MBD2: variants seen among roughly 807,000 people sequenced by gnomAD.
The protein encoded by MBD2 is methyl-CpG binding domain protein 2.
In MBD2, 9 loss-of-function variants were observed where a neutral mutation model predicts 39.3. That is an observed-to-expected ratio of 0.23 (90% CI 0.14 to 0.40). The LOEUF is 0.40. Ranked by LOEUF, MBD2 falls within the 10% of genes least tolerant of loss-of-function variation. MBD2 has a pLI of 1.00. For synonymous variants in MBD2, 233 were observed against 211.1 expected (o/e 1.10, Z -0.90); for missense variants, 458 against 532.6 (o/e 0.86, Z 1.38).
chr18:54,189,825 T>A (rs542531378), intron 2 of MBD2, among the ~76,000 whole-genome samples: 4 of 151,964 alleles, frequency 2.6e-5, no homozygotes, highest in Non-Finnish European at 5.9e-5. Flanking sequence ...TTTTTGTATT[T>A]TTTTTGTAGA....
intron 3 of MBD2, among the ~76,000 whole-genome samples, chr18:54,167,088 G>T (rs1005942887): frequency 9.3e-5 from 6 of 64,580 alleles, no homozygotes; most frequent in African/African-American, 3.6e-4. Context: ...CACATTTACT[G>T]CAGCCAAAAA....
chr18:54,159,776 C>G lies in MBD2; in HGVS notation c.*1G>C, dbSNP rs545557750. The G allele has an allele frequency of 6.2e-4, 991 of 1,609,262 alleles. 16 individuals are homozygous for G. In the South Asian group the frequency reaches 0.01, roughly 17 times the overall value. On this transcript the variant is annotated 3_prime_UTR_variant, in exon 6 of 7. Coordinates refer to ENST00000256429, the MANE Select transcript of MBD2 (RefSeq NM_003927.5). Reference sequence around the variant, plus strand: ...TGGTGTCAGTTTACCTGATCATATTCTTAGGCTTCATCTCCACTGTCCATT... The same window carrying G: ...TGGTGTCAGTTTACCTGATCATATTGTTAGGCTTCATCTCCACTGTCCATT...
chr18:54,201,741 T>C (rs1319760606), intron 2 of MBD2, among the ~76,000 whole-genome samples: 1 of 151,736 alleles, frequency 6.6e-6, no homozygotes, highest in African/African-American at 2.4e-5. Context: ...CGGGTGCCTG[T>C]AGTCCCAGCT....
chr18:54,192,749 T>C (rs1402831386), intron 2 of MBD2, among the ~76,000 whole-genome samples: 1 of 152,172 alleles, frequency 6.6e-6, no homozygotes, highest in East Asian at 1.9e-4. Context: ...GAAGGAAGCA[T>C]GGAACAGGTC....
At chr18:54,164,807 T>C (rs937920741) in intron 4 of MBD2, 107 bp from the exon 5 acceptor site, 7 of 840,258 alleles carry the variant, frequency 8.3e-6, no homozygotes, top group South Asian at 4.1e-5. Context: ...GGATCATATA[T>C]GTAAAACTGA....
chr18:54,204,789 T>C (rs2086436509), intron 2 of MBD2, among the ~76,000 whole-genome samples: 1 of 152,200 alleles, frequency 6.6e-6, no homozygotes, highest in African/African-American at 2.4e-5. Context: ...GAAAGTATGA[T>C]GTTCACTGAC....
intron 2 of MBD2, among the ~76,000 whole-genome samples, chr18:54,193,948 A>C (rs1294166363): frequency 6.6e-6 from 1 of 152,150 alleles, no homozygotes; most frequent in Non-Finnish European, 1.5e-5. Flanking sequence ...AGAACATAAG[A>C]CTTAAAGGAC....
intron 2 of MBD2, among the ~76,000 whole-genome samples, chr18:54,199,109 G>A (rs2144323087): frequency 6.6e-6 from 1 of 152,136 alleles, no homozygotes. Context: ...TTTCATTATG[G>A]GCCCAAATTA....
chr18:54,165,490 G>A (rs1375937055), intron 4 of MBD2, among the ~76,000 whole-genome samples: 1 of 152,188 alleles, frequency 6.6e-6, no homozygotes, highest in Non-Finnish European at 1.5e-5. Flanking sequence ...AGAAGCCAAA[G>A]TTTTAATACT....
chr18:54,182,064 TAG>T (rs2086255262), intron 3 of MBD2, among the ~76,000 whole-genome samples: 2 of 152,184 alleles, frequency 1.3e-5, no homozygotes, highest in Admixed American at 1.3e-4. Context: ...ATTCTCACAC[TAG>T]ATGGAAAGTT....
chr18:54,154,713 C>T lies in MBD2; in HGVS notation c.*611G>A, dbSNP rs117135394. 885 of 152,586 alleles carry T rather than the reference C, an allele frequency of 5.8e-3. 6 individuals are homozygous for T. Among genetic ancestry groups the T allele is most frequent in the Non-Finnish European group, 9.8e-3 (664 of 68,030 alleles). The allele number at this position is 152,586 out of a possible 1,614,324, so 9.5% of individuals were successfully genotyped here. A position where few individuals can be genotyped will look rare whatever the true frequency, so the allele number is the denominator to read the frequency against. ...CAATAGTTCATACTGCAAATATATG[C>T]GCTATCTTCCTCCACCTCCATGTCA... On this transcript the variant is annotated 3_prime_UTR_variant, in exon 7 of 7. Transcript: ENST00000256429.
chr18:54,174,599 A>C (rs2086198527), intron 3 of MBD2, among the ~76,000 whole-genome samples: 1 of 152,242 alleles, frequency 6.6e-6, no homozygotes. Flanking sequence ...CTTACCTCAG[A>C]AAGTTGATAG....
intron 2 of MBD2, among the ~76,000 whole-genome samples, chr18:54,201,612 C>T (rs2086408202): frequency 6.6e-6 from 1 of 152,138 alleles, no homozygotes; most frequent in Admixed American, 6.5e-5. Flanking sequence ...CCTGTAATCC[C>T]AGCACTTTGG....
chr18:54,178,262 T>C (rs180887769), intron 3 of MBD2, among the ~76,000 whole-genome samples: 59 of 151,928 alleles, frequency 3.9e-4, no homozygotes, highest in African/African-American at 1.3e-3. Context: ...TTACCAGAAG[T>C]ATAAATTTAA....
intron 2 of MBD2, among the ~76,000 whole-genome samples, chr18:54,198,583 C>T (rs2086383088): frequency 6.6e-6 from 1 of 152,152 alleles, no homozygotes; most frequent in African/African-American, 2.4e-5. Context: ...GGAGTGGTGG[C>T]CTGCACCTGT....
chr18:54,212,560 T>C (rs1191537217), intron 1 of MBD2, among the ~76,000 whole-genome samples: 3 of 152,182 alleles, frequency 2.0e-5, no homozygotes, highest in Non-Finnish European at 2.9e-5. Flanking sequence ...TGAAATAAGA[T>C]TGACTATGTG....
At chr18:54,185,044 C>T (rs183287275) in intron 3 of MBD2, among the ~76,000 whole-genome samples, 2 of 152,282 alleles carry the variant, frequency 1.3e-5, no homozygotes, top group East Asian at 3.9e-4. Flanking sequence ...TGCTAGAATG[C>T]CTGAAATAGT....
chr18:54,189,760 C>T (rs768127135), intron 2 of MBD2, among the ~76,000 whole-genome samples: 7 of 152,090 alleles, frequency 4.6e-5, no homozygotes, highest in African/African-American at 1.2e-4. Context: ...AGCAATCCTC[C>T]GACCTCAGCC....
chr18:54,156,671 G>A (rs2086053546), intron 6 of MBD2, among the ~76,000 whole-genome samples: 1 of 152,042 alleles, frequency 6.6e-6, no homozygotes, highest in Non-Finnish European at 1.5e-5. Context: ...TGCCCAACAT[G>A]GCGAAAACCG....
Sources: allele counts gnomAD v4.1 joint callset (sites outside exome capture counted in the v4.1 genomes callset), GRCh38; gene constraint gnomAD v4.1.1; transcripts MANE v1.5; gene names NCBI Gene and HGNC (gene_info 2026-07-23, HGNC 2026-07-21).